The following GRID2 variants were observed in gnomAD, a reference collection of about 807,000 sequenced individuals.
GRID2 encodes glutamate ionotropic receptor delta type subunit 2.
Under a neutral mutation model 114.8 loss-of-function variants are expected in GRID2, and 33 were observed. The observed-to-expected ratio is 0.29, with a 90% confidence interval of 0.22 to 0.38. The LOEUF (loss-of-function observed/expected upper bound fraction) is 0.38, where lower values mean the gene tolerates loss of function less well. Ranked by LOEUF, GRID2 falls within the 10% of genes least tolerant of loss-of-function variation. The pLI, the probability that GRID2 is intolerant of heterozygous loss-of-function variation, is 1.00. For synonymous variants in GRID2, 505 were observed against 449.9 expected (o/e 1.12, Z -1.55); for missense variants, 1,184 against 1,257.7 (o/e 0.94, Z 0.89).
chr4:93,258,617 T>C (rs1035738366), intron 8 of GRID2, among the ~76,000 whole-genome samples: 1 of 151,824 alleles, frequency 6.6e-6, no homozygotes, highest in African/African-American at 2.4e-5. Flanking sequence ...TGCATTATGA[T>C]AAGATTTGAA....
intron 2 of GRID2, among the ~76,000 whole-genome samples, chr4:93,004,903 AT>A (rs1392069651): frequency 1.3e-5 from 2 of 151,808 alleles, no homozygotes; most frequent in Non-Finnish European, 2.9e-5. Flanking sequence ...TTTGCTTCCC[AT>A]TTTAGTTTCA....
chr4:93,602,472 T>C (rs1262930825), intron 13 of GRID2, among the ~76,000 whole-genome samples: 43 of 152,204 alleles, frequency 2.8e-4, no homozygotes, highest in Admixed American at 2.8e-3. Context: ...ACAGTGTCTG[T>C]CACATTTTGG....
At chr4:93,459,472 AG>A (rs1723537170) in intron 11 of GRID2, among the ~76,000 whole-genome samples, 1 of 152,182 alleles carries the variant, frequency 6.6e-6, no homozygotes, top group South Asian at 2.1e-4. Context: ...GGCTTGGATT[AG>A]ACTGGAGAAA....
At chr4:93,232,687 T>C (rs1019726933) in intron 7 of GRID2, among the ~76,000 whole-genome samples, 2 of 151,780 alleles carry the variant, frequency 1.3e-5, no homozygotes, top group Admixed American at 6.6e-5. Flanking sequence ...TTATGCAATA[T>C]GTCAAATATT....
At chr4:92,624,522 G>A (rs528885972) in intron 2 of GRID2, among the ~76,000 whole-genome samples, 1 of 151,754 alleles carries the variant, frequency 6.6e-6, no homozygotes, top group African/African-American at 2.4e-5. Context: ...TGGAATGCTC[G>A]TATTGAATTT....
At position 93,027,948 on chromosome 4, in the gene GRID2, A is replaced by G. The variant is rs150814300; in HGVS notation, c.245-57047A>G. 1.1e-3 allele frequency among the ~76,000 whole-genome samples: 175 copies of G among 152,256 alleles called. 1 individual carries two copies. Among genetic ancestry groups the G allele is most frequent in the Admixed American group, 6.9e-3 (106 of 15,268 alleles). ...CATTAAAATAGTAATATTTACATGTATTTTTAAGTAATCTCAATTTTTCAT... is the reference window on the plus strand; with the variant it reads ...CATTAAAATAGTAATATTTACATGTGTTTTTAAGTAATCTCAATTTTTCAT... On this transcript the variant is annotated intron_variant, in intron 2 of 15. Transcript: ENST00000282020.
intron 4 of GRID2, chr4:93,164,698 C>A: frequency 2.3e-6 from 1 of 430,816 alleles, no homozygotes; most frequent in Non-Finnish European, 4.7e-6. Context: ...AGAAAAGTGA[C>A]AAAATATGCT....
intron 8 of GRID2, among the ~76,000 whole-genome samples, chr4:93,315,606 A>G (rs1756496405): frequency 6.6e-6 from 1 of 152,120 alleles, no homozygotes; most frequent in African/African-American, 2.4e-5. Context: ...CTCTCTTCGT[A>G]GGAATCTTTG....
intron 2 of GRID2, among the ~76,000 whole-genome samples, chr4:92,702,954 C>T (rs896842021): frequency 6.6e-6 from 1 of 152,028 alleles, no homozygotes; most frequent in Non-Finnish European, 1.5e-5. Flanking sequence ...CTTTAGCACT[C>T]TCAGGTGGAT....
intron 2 of GRID2, among the ~76,000 whole-genome samples, chr4:92,797,165 A>T (rs1009213039): frequency 5.3e-5 from 8 of 151,948 alleles, no homozygotes; most frequent in African/African-American, 1.4e-4. Context: ...TTCTAGCATC[A>T]CTAGTGGCAC....
At chr4:92,847,571 A>G (rs567639274) in intron 2 of GRID2, among the ~76,000 whole-genome samples, 2 of 150,640 alleles carry the variant, frequency 1.3e-5, no homozygotes, top group Non-Finnish European at 3.0e-5. Flanking sequence ...TATTTTGATA[A>G]CATAAAGAGA....
intron 14 of GRID2, among the ~76,000 whole-genome samples, chr4:93,661,503 C>T (rs1273590681): frequency 6.6e-6 from 1 of 152,154 alleles, no homozygotes; most frequent in Non-Finnish European, 1.5e-5. Context: ...GTTCAATAAG[C>T]TCATTCGCAC....
At chr4:92,374,913 T>G (rs1729284704) in intron 1 of GRID2, among the ~76,000 whole-genome samples, 1 of 152,094 alleles carries the variant, frequency 6.6e-6, no homozygotes, top group Admixed American at 6.6e-5. Flanking sequence ...AATATGTGGA[T>G]ATAATGAAAA....
intron 1 of GRID2, among the ~76,000 whole-genome samples, chr4:92,415,726 G>GTA (rs1731566673): frequency 1.1e-5 from 1 of 92,466 alleles, no homozygotes; most frequent in Non-Finnish European, 2.1e-5. Flanking sequence ...GTGTGTGTGT[G>GTA]TGTGTGTATG....
At chr4:93,764,184 T>G (rs569141107) in intron 14 of GRID2, among the ~76,000 whole-genome samples, 2 of 152,298 alleles carry the variant, frequency 1.3e-5, no homozygotes, top group Admixed American at 1.3e-4. Context: ...TTTCTTTAAT[T>G]TTAATATGAA....
intron 1 of GRID2, among the ~76,000 whole-genome samples, chr4:93,780,829 T>G (rs10084895): frequency 0.38 from 58,434 of 151,986 alleles, 12,033 homozygotes; most frequent in East Asian, 0.76. Context: ...AGGGGCAGTT[T>G]AGAAAAAGTA....
At chr4:92,326,030 T>C (rs887283366) in intron 1 of GRID2, among the ~76,000 whole-genome samples, 2 of 151,808 alleles carry the variant, frequency 1.3e-5, no homozygotes. Flanking sequence ...AAAGTATGCT[T>C]ACATGAAAAA....
intron 2 of GRID2, among the ~76,000 whole-genome samples, chr4:92,805,849 C>T (rs2149375420): frequency 1.3e-5 from 2 of 151,956 alleles, no homozygotes; most frequent in East Asian, 3.9e-4. Flanking sequence ...CATAGTTTCT[C>T]TATATGTTAT....
intron 14 of GRID2, 112 bp from the exon 15 acceptor site, chr4:93,769,098 A>G: frequency 1.0e-6 from 1 of 975,864 alleles, no homozygotes; most frequent in Non-Finnish European, 1.6e-6. Context: ...CTATATATTC[A>G]TTTCCCTTTG....
Sources: gnomAD v4.1 joint callset for allele counts (sites outside exome capture counted in the v4.1 genomes callset) on GRCh38, gnomAD v4.1.1 for gene constraint, MANE v1.5 for transcripts, NCBI Gene and HGNC (gene_info 2026-07-23, HGNC 2026-07-21) for gene names.